Variants in MGAT5 observed in about 807,000 individuals in gnomAD.
MGAT5 encodes the protein alpha-1,6-mannosylglycoprotein 6-beta-N-acetylglucosaminyltransferase.
In MGAT5, 30 loss-of-function variants were observed where a neutral mutation model predicts 94.3. The ratio of observed to expected loss-of-function variants is 0.32; its 90% CI spans 0.24 to 0.43. The LOEUF is 0.43. Ranked by LOEUF, MGAT5 falls within the 20% of genes least tolerant of loss-of-function variation. The probability of loss-of-function intolerance (pLI) is 1.00; values close to 1 mark genes in which losing one functional copy is unlikely to be tolerated. For missense variants in MGAT5, 691 were observed against 905.5 expected (o/e 0.76, Z 3.04); for synonymous variants, 310 against 322.9 (o/e 0.96, Z 0.43).
intron 10 of MGAT5, among the ~76,000 whole-genome samples, chr2:134,393,301 G>A (rs1682522667): frequency 6.6e-6 from 1 of 152,134 alleles, no homozygotes; most frequent in African/African-American, 2.4e-5. Context: ...TCAGATCAGT[G>A]TGGGAGGGCT....
chr2:134,229,965 A>G (rs1295948110), intron 1 of MGAT5, among the ~76,000 whole-genome samples: 1 of 152,208 alleles, frequency 6.6e-6, no homozygotes. Context: ...TCAAAACCAC[A>G]ATGAAATAGC....
intron 9 of MGAT5, among the ~76,000 whole-genome samples, chr2:134,354,845 G>T (rs1679625921): frequency 6.6e-6 from 1 of 152,122 alleles, no homozygotes; most frequent in Non-Finnish European, 1.5e-5. Flanking sequence ...CCCCATTCCT[G>T]CTCACTCCTT....
At chr2:134,440,761 G>T (rs1189342707) in intron 14 of MGAT5, among the ~76,000 whole-genome samples, 1 of 152,220 alleles carries the variant, frequency 6.6e-6, no homozygotes, top group African/African-American at 2.4e-5. Flanking sequence ...GATTGATAGT[G>T]AATTATGAGG....
chr2:134,209,159 T>A lies in MGAT5; in HGVS notation c.-142-45103T>A, dbSNP rs1203943855. Among the ~76,000 whole-genome samples, 235 of 70,354 alleles carry A rather than the reference T, an allele frequency of 3.3e-3. 57 individuals carry two copies. Among genetic ancestry groups the A allele is most frequent in the Middle Eastern group, 8.5e-3 (1 of 118 alleles). The allele number at this position is 70,354 out of a possible 152,430, so 46.2% of individuals were successfully genotyped here. On this transcript the variant is annotated intron_variant, in intron 1 of 16. Coordinates refer to the MGAT5 transcript ENST00000409645. ...CTGGCTTATTTTTTTTTTATTTTTTTTTTTTTTTTTATTTTTTTTTTTATT... is the reference window on the plus strand; with the variant it reads ...CTGGCTTATTTTTTTTTTATTTTTTATTTTTTTTTTATTTTTTTTTTTATT...
intron 15 of MGAT5, among the ~76,000 whole-genome samples, chr2:134,442,810 C>G (rs557666566): frequency 6.6e-6 from 1 of 152,128 alleles, no homozygotes; most frequent in South Asian, 2.1e-4. Flanking sequence ...CTAGCCTCCC[C>G]ACCCACCCAC....
rs563648220 is a variant in MGAT5 at position 134,440,792 on chromosome 2, G to A, written c.1870-966G>A. Reference sequence around the variant, plus strand: ...TGAGGTGGGAGGAGGCACTTCTTACGATTTTCACTTCGCAAATGTGTATTC... The same window carrying A: ...TGAGGTGGGAGGAGGCACTTCTTACAATTTTCACTTCGCAAATGTGTATTC... On this transcript the variant is annotated intron_variant, in intron 14 of 15. Coordinates refer to ENST00000281923, the MANE Select transcript of MGAT5 (RefSeq NM_002410.5). 1.4e-3 allele frequency among the ~76,000 whole-genome samples: 209 copies of A among 152,216 alleles called. 1 individual carries two copies. The highest frequency in any genetic ancestry group is 2.1e-3 in the South Asian group (10 of 4,824).
chr2:134,380,374 C>T (rs896719802), intron 10 of MGAT5, among the ~76,000 whole-genome samples: 1 of 152,172 alleles, frequency 6.6e-6, no homozygotes, highest in Non-Finnish European at 1.5e-5. Context: ...AGCCTTTTAA[C>T]GGAAAACAGT....
intron 1 of MGAT5, among the ~76,000 whole-genome samples, chr2:134,227,342 G>A (rs902437295): frequency 1.3e-5 from 2 of 152,164 alleles, no homozygotes; most frequent in African/African-American, 2.4e-5. Flanking sequence ...ACTGGATTGA[G>A]CTCTGGGTAT....
intron 10 of MGAT5, among the ~76,000 whole-genome samples, chr2:134,379,881 C>T (rs78374190): frequency 1.3e-5 from 2 of 152,276 alleles, no homozygotes; most frequent in East Asian, 3.9e-4. Context: ...GTTCTTGTGG[C>T]GAAAGGATTA....
chr2:134,151,917 C>A (rs867696199), intron 1 of MGAT5, among the ~76,000 whole-genome samples: 1 of 129,298 alleles, frequency 7.7e-6, no homozygotes, highest in South Asian at 2.7e-4. Flanking sequence ...ACCTCACTCA[C>A]GCCCTGTGGG....
chr2:134,394,229 A>G (rs57014399), intron 10 of MGAT5, among the ~76,000 whole-genome samples: 1,756 of 152,358 alleles, frequency 0.012, 30 homozygotes, highest in African/African-American at 0.04. Flanking sequence ...TACAAGTAGA[A>G]AAGTTGGAAA....
chr2:134,422,142 A>C (rs1684337746), intron 12 of MGAT5, among the ~76,000 whole-genome samples: 1 of 147,094 alleles, frequency 6.8e-6, no homozygotes, highest in African/African-American at 2.6e-5. Context: ...TGGGCAACAG[A>C]GCAAGACCCT....
intron 10 of MGAT5, among the ~76,000 whole-genome samples, chr2:134,381,288 C>T (rs145335566): frequency 8.4e-4 from 127 of 150,592 alleles, no homozygotes; most frequent in Non-Finnish European, 1.5e-3. Flanking sequence ...TGTGAATGCA[C>T]TCCACTGCAC....
At chr2:134,214,765 A>T (rs755144301) in intron 1 of MGAT5, among the ~76,000 whole-genome samples, 4 of 152,192 alleles carry the variant, frequency 2.6e-5, no homozygotes, top group Admixed American at 6.5e-5. Flanking sequence ...GCCAACGAAC[A>T]TTTTAAGTCA....
chr2:134,302,716 CTGTGTGTGTGTG>C (rs3034344), intron 2 of MGAT5, among the ~76,000 whole-genome samples: 3,594 of 133,660 alleles, frequency 0.027, 72 homozygotes, highest in Middle Eastern at 0.053. Flanking sequence ...TTAAGAAATG[CTGTGTGTGTGTG>C]TGTGTGTGTG....
intron 1 of MGAT5, among the ~76,000 whole-genome samples, chr2:134,184,552 G>T (rs1465456351): frequency 6.6e-6 from 1 of 152,140 alleles, no homozygotes; most frequent in Non-Finnish European, 1.5e-5. Flanking sequence ...TCATATGGGA[G>T]ATGTTTCTTC....
chr2:134,195,910 C>G (rs1679474620), intron 1 of MGAT5, among the ~76,000 whole-genome samples: 1 of 152,156 alleles, frequency 6.6e-6, no homozygotes, highest in African/African-American at 2.4e-5. Context: ...CTTTGCAGTG[C>G]CTATAACTGG....
At chr2:134,423,920 C>T (rs1187147506) in intron 13 of MGAT5, among the ~76,000 whole-genome samples, 1 of 152,222 alleles carries the variant, frequency 6.6e-6, no homozygotes, top group East Asian at 1.9e-4. Context: ...ACATCTGTCT[C>T]ATTTCTGTAT....
At chr2:134,216,331 G>A (rs77589856) in intron 1 of MGAT5, among the ~76,000 whole-genome samples, 1,740 of 152,284 alleles carry the variant, frequency 0.011, 33 homozygotes, top group African/African-American at 0.04. Context: ...GTCGTCCTAT[G>A]AGACCGAACT....
Sources: gnomAD v4.1 joint callset for allele counts (sites outside exome capture counted in the v4.1 genomes callset) on GRCh38, gnomAD v4.1.1 for gene constraint, MANE v1.5 for transcripts, NCBI Gene and HGNC (gene_info 2026-07-23, HGNC 2026-07-21) for gene names.